CEACAM4: variants seen among roughly 807,000 people sequenced by gnomAD.
The protein encoded by CEACAM4 is cell adhesion molecule CEACAM4.
Under a neutral mutation model 28.7 loss-of-function variants are expected in CEACAM4, and 30 were observed. That is an observed-to-expected ratio of 1.05 (90% CI 0.78 to 1.42). The LOEUF is 1.42. CEACAM4 is among the 40% of genes most tolerant of loss of function. The pLI is 0.00. For synonymous variants in CEACAM4, 143 were observed against 126.5 expected, an observed-to-expected ratio of 1.13 and a Z score of -0.87; for missense variants, 330 against 308.2, an observed-to-expected ratio of 1.07 and a Z score of -0.53.
intron 5 of CEACAM4, 89 bp downstream of exon 5, chr19:41,620,122 T>C: frequency 8.3e-7 from 1 of 1,202,362 alleles, no homozygotes. Context: ...GGTGGGTCAG[T>C]GCTGTGCTGT....
At chr19:41,621,318 G>T (rs557010877) in intron 3 of CEACAM4, among the ~76,000 whole-genome samples, 1 of 152,216 alleles carries the variant, frequency 6.6e-6, no homozygotes. Flanking sequence ...CACTGGGTGG[G>T]TAAATTCAAT....
At chr19:41,625,472 A>C in intron 2 of CEACAM4, 129 bp downstream of exon 2, 1 of 1,113,780 alleles carries the variant, frequency 9.0e-7, no homozygotes, top group South Asian at 1.5e-5. Context: ...TGTGTCCTGC[A>C]CTAAATGCCC....
chr19:41,615,038 C>T (rs1228712674), downstream of CEACAM4, among the ~76,000 whole-genome samples: 1 of 151,882 alleles, frequency 6.6e-6, no homozygotes, highest in Non-Finnish European at 1.5e-5. Context: ...GAACCTGCCT[C>T]TGGGGTACAA....
At chr19:41,622,061 T>C (rs2071326825) in intron 2 of CEACAM4, among the ~76,000 whole-genome samples, 1 of 152,030 alleles carries the variant, frequency 6.6e-6, no homozygotes, top group Non-Finnish European at 1.5e-5. Context: ...GTCACACCTC[T>C]TCCCTCTGTT....
At chr19:41,621,832 C>A (rs1447444897) in intron 2 of CEACAM4, 64 bp from the exon 3 acceptor site, 2 of 889,368 alleles carry the variant, frequency 2.2e-6, no homozygotes, top group African/African-American at 1.7e-5. Flanking sequence ...CCATAAGAGG[C>A]ATTGCAGGGC....
chr19:41,625,756 A>T lies in CEACAM4; in HGVS notation c.269T>A (p.Ile90Asn). The T allele has an allele frequency of 6.2e-7, 1 of 1,613,942 alleles. No individual in the cohort carries two copies. The highest frequency in any genetic ancestry group is 8.5e-7 in the Non-Finnish European group (1 of 1,179,964). Residue 90 changes from isoleucine (I) to asparagine (N), a missense_variant, in exon 2 of 7, where the codon ATC (isoleucine) becomes AAC (asparagine). Physicochemically the swap from Ile to Asn is moderately radical, Grantham distance 149 (BLOSUM62 -3). Transcript: ENST00000221954. The part of the protein sequence containing the change: ...AGYITDIQAN[I>N]PGAAYSGRET... The stretch of plus-strand genomic sequence containing the variant: ...TCGACCACTGTATGCGGCCCCTGGG[A>T]TATTTGCTTGAATGTCTGTTATATA...
At chr19:41,626,004 G>C in intron 1 of CEACAM4, 44 bp from the exon 2 acceptor site, 4 of 1,561,374 alleles carry the variant, frequency 2.6e-6, no homozygotes, top group South Asian at 1.2e-5. Flanking sequence ...GACCTATGGA[G>C]TGGGATGGAA....
At chr19:41,617,331 G>A (rs562064493), downstream of CEACAM4, among the ~76,000 whole-genome samples, 24 of 152,338 alleles carry the variant, frequency 1.6e-4, no homozygotes, top group South Asian at 5.0e-3. Context: ...TGCTGGGGAT[G>A]TTAATGCAGG....
intron 6 of CEACAM4, 133 bp downstream of exon 6, chr19:41,619,537 C>A: frequency 1.3e-6 from 2 of 1,540,212 alleles, no homozygotes; most frequent in South Asian, 1.2e-5. Flanking sequence ...AGGCCCCTCC[C>A]TCCTCTGCTC....
intron 5 of CEACAM4, 75 bp downstream of exon 5, chr19:41,620,136 G>A: frequency 5.3e-6 from 7 of 1,326,146 alleles, no homozygotes; most frequent in Non-Finnish European, 7.2e-6. Context: ...GTGCTGTGGG[G>A]TTGATGGTCC....
In CEACAM4 at chr19:41,626,919, C is replaced by A; in HGVS notation, c.45G>T (p.Trp15Cys). The A allele has an allele frequency of 6.2e-7, 1 of 1,609,682 alleles. No homozygotes were observed. Among genetic ancestry groups the A allele is most frequent in the Non-Finnish European group, 8.5e-7 (1 of 1,177,662 alleles). The change falls in exon 1 of 7, where the codon TGG (tryptophan) becomes TGT (cysteine). Residue 15 changes from tryptophan to cysteine, a missense_variant. Trp to Cys is a radical substitution (Grantham distance 215). Transcript: ENST00000221954. ...SAAPRGGHRP[W>C]QGLLITASLL... ...CCTCACCTGTGATCAGGAGCCCCTGCCAGGGCCTGTGCCCTCCACGGGGAG... is the reference window on the plus strand; with the variant it reads ...CCTCACCTGTGATCAGGAGCCCCTGACAGGGCCTGTGCCCTCCACGGGGAG...
At chr19:41,623,882 G>A (rs1360776639) in intron 2 of CEACAM4, among the ~76,000 whole-genome samples, 2 of 152,158 alleles carry the variant, frequency 1.3e-5, no homozygotes, top group African/African-American at 2.4e-5. Context: ...ACCAGGTAGA[G>A]CTCCAGGGTG....
chr19:41,625,674 T>C lies in CEACAM4; in HGVS notation c.351A>G (p.Ala117=), dbSNP rs781931530. The C allele has an allele frequency of 9.3e-6, 15 of 1,613,208 alleles. No individual in the cohort carries two copies. Residue 117 remains alanine (A), a synonymous_variant, in exon 2 of 7, where the codon GCA becomes GCG. Coordinates refer to ENST00000221954, the MANE Select transcript of CEACAM4 (RefSeq NM_001817.4). ...TTATGGTTCGTAGGGTGTAGGATCC[T>C]GCGTCCTCCAGGGTGATGTTTTGGA... is the stretch of plus-strand genomic sequence containing the variant. The part of the protein sequence containing the change: ...LLFQNITLED[A]GSYTLRTINA...
chr19:41,617,179 A>G (rs1216825511), downstream of CEACAM4, among the ~76,000 whole-genome samples: 1 of 152,094 alleles, frequency 6.6e-6, no homozygotes, highest in Non-Finnish European at 1.5e-5. Flanking sequence ...TCCATGAACT[A>G]TTGAAGGGCC....
chr19:41,620,626 C>T lies in CEACAM4; in HGVS notation c.544G>A (p.Ala182Thr). Residue 182 changes from alanine to threonine, a missense_variant and splice_region_variant, in exon 4 of 7, where the codon GCC becomes ACC. Transcript: ENST00000221954. Reference sequence around the variant, plus strand: ...TCCCTGAGGTCACGCTGGATGCTGGCCCTAGGAAAGGTCAGGATTATTCAT... The same window carrying T: ...TCCCTGAGGTCACGCTGGATGCTGGTCCTAGGAAAGGTCAGGATTATTCAT... ...CFLLLSRTGR[A>T]SIQRDLREQP... is the part of the protein sequence containing the mutation. 6.2e-7 allele frequency: 1 copy of T among 1,612,636 alleles called. No homozygotes were observed. The highest frequency in any genetic ancestry group is 8.5e-7 in the Non-Finnish European group (1 of 1,179,080).
chr19:41,621,847 G>A, intron 2 of CEACAM4, 79 bp from the exon 3 acceptor site: 1 of 802,586 alleles, frequency 1.2e-6, no homozygotes, highest in Non-Finnish European at 2.1e-6. Flanking sequence ...CAGGGCAGGG[G>A]CATAGTCAGG....
intron 6 of CEACAM4, 47 bp downstream of exon 6, chr19:41,619,623 G>C: frequency 6.4e-7 from 1 of 1,574,348 alleles, no homozygotes; most frequent in Non-Finnish European, 8.6e-7. Flanking sequence ...GCAGATCCTG[G>C]GTCCCCTGGA....
At chr19:41,616,893 G>C (rs1364639479), downstream of CEACAM4, among the ~76,000 whole-genome samples, 6 of 152,224 alleles carry the variant, frequency 3.9e-5, no homozygotes, top group East Asian at 1.2e-3. Context: ...AAAGCAGGCT[G>C]TGAGCCCCCC....
chr19:41,620,846 T>C (rs782121276), intron 3 of CEACAM4, among the ~76,000 whole-genome samples: 3 of 151,796 alleles, frequency 2.0e-5, no homozygotes, highest in Non-Finnish European at 4.4e-5. Context: ...CCCAGGCAGA[T>C]GCCGGGTGAG....
Sources: allele counts gnomAD v4.1 joint callset (sites outside exome capture counted in the v4.1 genomes callset), GRCh38; gene constraint gnomAD v4.1.1; transcripts MANE v1.5; gene names NCBI Gene and HGNC (gene_info 2026-07-23, HGNC 2026-07-21).